IDI2: variants seen among roughly 807,000 people sequenced by gnomAD.
IDI2 encodes isopentenyl-diphosphate delta isomerase 2.
A neutral mutation model predicts 14.8 loss-of-function variants in IDI2; 18 were observed. The observed-to-expected ratio is 1.22, with a 90% CI of 0.84 to 1.80. The LOEUF (loss-of-function observed/expected upper bound fraction) is 1.80, where lower values mean the gene tolerates loss of function less well. Among genes scored for constraint, IDI2 ranks in the 40% most tolerant of loss-of-function variants. The pLI is 0.00. For missense variants in IDI2, 316 were observed against 283.2 expected, an observed-to-expected ratio of 1.12 and a Z score of -0.83; for synonymous variants, 133 against 109.6, an observed-to-expected ratio of 1.21 and a Z score of -1.33.
intron 3 of IDI2, 29 bp downstream of exon 3, chr10:1,022,654 C>T: frequency 6.6e-7 from 1 of 1,516,246 alleles, no homozygotes; most frequent in Non-Finnish European, 9.2e-7. Flanking sequence ...ATGCTCTCTT[C>T]AGTCCGGGGC....
chr10:1,021,208 C>G (rs1040948175), intron 3 of IDI2, among the ~76,000 whole-genome samples: 1 of 152,172 alleles, frequency 6.6e-6, no homozygotes, highest in African/African-American at 2.4e-5. Context: ...GGACTGGTTC[C>G]TACTCAGTTT....
intron 2 of IDI2, among the ~76,000 whole-genome samples, 185 bp from the exon 3 acceptor site, chr10:1,022,960 G>C (rs1243276056): frequency 6.6e-6 from 1 of 152,126 alleles, no homozygotes; most frequent in African/African-American, 2.4e-5. Flanking sequence ...GAACACTCGG[G>C]AAACTAAAAA....
intron 3 of IDI2, 96 bp from the exon 4 acceptor site, chr10:1,020,993 C>A: frequency 7.3e-7 from 1 of 1,373,782 alleles, no homozygotes; most frequent in Non-Finnish European, 1.0e-6. Context: ...CATCATCCGT[C>A]ATCAGCAGAA....
chr10:1,019,400 G>C lies in IDI2; in HGVS notation c.*117C>G. The C allele has an allele frequency of 1.5e-6, 1 of 675,930 alleles. No homozygotes were observed. The highest frequency in any genetic ancestry group is 2.7e-5 in the East Asian group (1 of 36,488). The allele number at this position is 675,930 out of a possible 1,614,324, so 41.9% of individuals were successfully genotyped here. On this transcript the variant is annotated 3_prime_UTR_variant, in exon 5 of 5. Transcript: ENST00000277517. ...AAGGTTGAAATAGTGATTTATACAT[G>C]ATGGGCAATCAAGTGCCCCTTTTGC...
chr10:1,020,960 A>C, intron 3 of IDI2, 63 bp from the exon 4 acceptor site: 1 of 1,519,866 alleles, frequency 6.6e-7, no homozygotes, highest in Non-Finnish European at 9.0e-7. Flanking sequence ...ATTAAATACA[A>C]ATGCAGATGC....
At position 1,022,675 on chromosome 10, in the gene IDI2, G is replaced by C; in HGVS notation, c.235+8C>G. 6.2e-7 allele frequency: 1 copy of C among 1,605,690 alleles called. No homozygotes were observed. Among genetic ancestry groups the C allele is most frequent in the Non-Finnish European group, 8.5e-7 (1 of 1,172,488 alleles). On this transcript the variant is annotated splice_region_variant and intron_variant, in intron 3 of 4. Transcript: ENST00000277517. ...TCTTCAGTCCGGGGCTTGGTTGAAC[G>C]GACTCACCAGGAAACGTGACTTTCG...
intron 4 of IDI2, 79 bp downstream of exon 4, chr10:1,020,688 A>ATTAAAAAACC: frequency 8.0e-7 from 1 of 1,245,772 alleles, no homozygotes; most frequent in Non-Finnish European, 1.0e-6. Context: ...GTGTAGATCC[A>ATTAAAAAACC]GCCTGGACTT....
intron 3 of IDI2, among the ~76,000 whole-genome samples, chr10:1,022,193 G>A (rs954030393): frequency 7.2e-5 from 11 of 151,888 alleles, no homozygotes; most frequent in Non-Finnish European, 1.6e-4. Flanking sequence ...CAGGAGGCGG[G>A]GCTTGCAGTG....
At chr10:1,023,021 A>G (rs978711041) in intron 2 of IDI2, among the ~76,000 whole-genome samples, 22 of 152,214 alleles carry the variant, frequency 1.4e-4, no homozygotes, top group African/African-American at 5.3e-4. Context: ...AATATCCAAA[A>G]TAAAAGAGAT....
chr10:1,022,517 G>C (rs1026311916), intron 3 of IDI2, 166 bp downstream of exon 3: 28 of 565,844 alleles, frequency 4.9e-5, no homozygotes, highest in Non-Finnish European at 7.3e-5. Context: ...CTACTGAAGA[G>C]CTATCAGCAT....
At chr10:1,023,562 C>T (rs1339435690) in intron 2 of IDI2, among the ~76,000 whole-genome samples, 1 of 151,758 alleles carries the variant, frequency 6.6e-6, no homozygotes, top group Non-Finnish European at 1.5e-5. Context: ...GTGGAACAAA[C>T]CTGGCACAGA....
chr10:1,019,277 G>A lies in IDI2; in HGVS notation c.*240C>T. 1 of 467,752 alleles carries A rather than the reference G, an allele frequency of 2.1e-6. No individual in the cohort carries two copies. Among genetic ancestry groups the A allele is most frequent in the South Asian group, 2.7e-5 (1 of 36,604 alleles). The allele number at this position is 467,752 out of a possible 1,614,324, so 29.0% of individuals were successfully genotyped here. ...AACAAGTGCTTATAAAATGGAAATT[G>A]GGACAAAGGAAATGTTAAATTTCCT... On this transcript the variant is annotated 3_prime_UTR_variant, in exon 5 of 5. Coordinates refer to ENST00000277517, the MANE Select transcript of IDI2 (RefSeq NM_033261.3).
Position 1,019,281 on chromosome 10 carries a change from C to A in IDI2, c.*236G>T. ...AGTGCTTATAAAATGGAAATTGGGA[C>A]AAAGGAAATGTTAAATTTCCTCCCT... On this transcript the variant is annotated 3_prime_UTR_variant, in exon 5 of 5. Transcript: ENST00000277517. The A allele has an allele frequency of 2.1e-6, 1 of 480,846 alleles. No individual in the cohort carries two copies. The highest frequency in any genetic ancestry group is 2.7e-5 in the South Asian group (1 of 37,370). 29.8% of individuals were successfully genotyped at this position (480,846 alleles called of 1,614,324 possible).
At chr10:1,022,034 C>T (rs1423767706) in intron 3 of IDI2, among the ~76,000 whole-genome samples, 1 of 152,196 alleles carries the variant, frequency 6.6e-6, no homozygotes, top group South Asian at 2.1e-4. Context: ...CCAAGACAGG[C>T]ATATCACGAG....
At chr10:1,021,127 G>A (rs981633791) in intron 3 of IDI2, among the ~76,000 whole-genome samples, 2 of 152,218 alleles carry the variant, frequency 1.3e-5, no homozygotes, top group East Asian at 1.9e-4. Flanking sequence ...GGCCCTGACC[G>A]CTCCTGCGGC....
Position 1,019,840 on chromosome 10 carries a change from G to C in IDI2, c.367-6C>G, listed in dbSNP as rs1248909493. ...ACAATGTCCTCTGGAGAAATCTATT[G>C]ACAGAAATTGGTGCAGTGTTAACAA... On this transcript the variant is annotated splice_region_variant and splice_polypyrimidine_tract_variant and intron_variant, in intron 4 of 4. Coordinates refer to ENST00000277517, the MANE Select transcript of IDI2 (RefSeq NM_033261.3). The C allele has an allele frequency of 1.0e-5, 16 of 1,605,638 alleles. No homozygotes were observed. The highest frequency in any genetic ancestry group is 1.4e-5 in the Non-Finnish European group (16 of 1,172,548).
Position 1,024,786 on chromosome 10 carries a change from T to C in IDI2, c.-21-42A>G, listed in dbSNP as rs1227029196. 12 of 1,601,104 alleles carry C rather than the reference T, an allele frequency of 7.5e-6. No homozygotes were observed. The East Asian group carries it at 1.8e-4, about 24-fold the overall frequency. ...CAAATGCCTCTTTATGTGAAAGATA[T>C]TGCCATCTCGTTTTTGCTATGTGTT... On this transcript the variant is annotated intron_variant, in intron 1 of 4. Transcript: ENST00000277517.
rs550955758 is a variant in IDI2, at chr10:1,021,817, A to G, written c.235+866T>C. 3.3e-5 allele frequency among the ~76,000 whole-genome samples: 5 copies of G among 152,324 alleles called. No homozygotes were observed. In the South Asian group the frequency reaches 1.0e-3, roughly 32 times the overall value. Reference sequence around the variant, plus strand: ...GTACCCACTGCGGCTCCGAGGAAGAACTAAGGGAGGAGAAAACCTCGGCCA... The same window carrying G: ...GTACCCACTGCGGCTCCGAGGAAGAGCTAAGGGAGGAGAAAACCTCGGCCA... On this transcript the variant is annotated intron_variant, in intron 3 of 4. Coordinates refer to ENST00000277517, the MANE Select transcript of IDI2 (RefSeq NM_033261.3).
chr10:1,024,206 A>G (rs1228072546), intron 2 of IDI2, among the ~76,000 whole-genome samples: 2 of 152,162 alleles, frequency 1.3e-5, no homozygotes, highest in Non-Finnish European at 2.9e-5. Context: ...GGCTACACCG[A>G]CCTAACAAGA....
Sources: gnomAD v4.1 joint callset for allele counts (sites outside exome capture counted in the v4.1 genomes callset) on GRCh38, gnomAD v4.1.1 for gene constraint, MANE v1.5 for transcripts, NCBI Gene and HGNC (gene_info 2026-07-23, HGNC 2026-07-21) for gene names.